FRMD5: variants seen among roughly 807,000 people sequenced by gnomAD.
FRMD5 encodes FERM domain containing 5.
FRMD5 carries 20 observed loss-of-function variants against 69.0 expected under a neutral mutation model. The ratio of observed to expected loss-of-function variants is 0.29; its 90% CI spans 0.20 to 0.42. FRMD5 has a LOEUF of 0.42. Ranked by LOEUF, FRMD5 falls within the 10% of genes least tolerant of loss-of-function variation. The pLI is 1.00. For synonymous variants in FRMD5, 271 were observed against 260.1 expected (o/e 1.04, Z -0.40); for missense variants, 595 against 708.6 (o/e 0.84, Z 1.82).
intron 4 of FRMD5, among the ~76,000 whole-genome samples, chr15:43,911,894 A>C (rs758672463): frequency 6.6e-6 from 1 of 152,026 alleles, no homozygotes; most frequent in Non-Finnish European, 1.5e-5. Context: ...GGTGGTAGGA[A>C]GGGGTCCTAG....
At chr15:44,141,373 C>T (rs1361097569) in intron 1 of FRMD5, among the ~76,000 whole-genome samples, 2 of 152,010 alleles carry the variant, frequency 1.3e-5, no homozygotes, top group Admixed American at 6.6e-5. Flanking sequence ...GGTAGACAAA[C>T]AGATCAATGG....
intron 1 of FRMD5, among the ~76,000 whole-genome samples, chr15:44,016,146 C>A (rs564247664): frequency 2.0e-5 from 3 of 152,290 alleles, no homozygotes; most frequent in African/African-American, 7.2e-5. Flanking sequence ...CTCTACAGAG[C>A]AATCTAATTA....
chr15:43,880,030 G>T (rs2088480799), intron 13 of FRMD5, among the ~76,000 whole-genome samples: 1 of 152,182 alleles, frequency 6.6e-6, no homozygotes. Flanking sequence ...AGAGGGCAAG[G>T]GACAGAGGGG....
intron 1 of FRMD5, among the ~76,000 whole-genome samples, chr15:43,983,302 C>T (rs150027832): frequency 6.6e-6 from 1 of 152,304 alleles, no homozygotes; most frequent in African/African-American, 2.4e-5. Context: ...TATACATAAG[C>T]AAACTAGGTG....
rs545725936 is a variant in FRMD5 at position 44,048,841 on chromosome 15, G to C, written c.103-124532C>G. ...GCTGCCTCAGCCTCCCAAAGTGCTG[G>C]AATTATAGGCGTGAGCCACCATGCC... On this transcript the variant is annotated intron_variant, in intron 1 of 13. Transcript: ENST00000417257. Among the ~76,000 whole-genome samples the C allele has an allele frequency of 1.4e-4, 22 of 152,204 alleles. No homozygotes were observed. The South Asian group carries it at 4.6e-3, about 32-fold the overall frequency.
At chr15:43,894,812 G>C (rs185124321) in intron 7 of FRMD5, among the ~76,000 whole-genome samples, 6 of 152,190 alleles carry the variant, frequency 3.9e-5, no homozygotes, top group Admixed American at 3.9e-4. Context: ...TCCAGGTCCA[G>C]CTCTGCCACT....
chr15:43,960,830 C>T (rs1045691305), intron 1 of FRMD5, among the ~76,000 whole-genome samples: 1 of 152,044 alleles, frequency 6.6e-6, no homozygotes, highest in African/African-American at 2.4e-5. Context: ...AAATCTGAGT[C>T]CCATTTTATG....
intron 1 of FRMD5, among the ~76,000 whole-genome samples, chr15:44,070,556 A>G (rs1184526324): frequency 6.6e-6 from 1 of 152,222 alleles, no homozygotes; most frequent in Non-Finnish European, 1.5e-5. Context: ...GTGACCTCAG[A>G]TAAGTAATCT....
chr15:43,959,884 TC>T (rs1261909915), intron 1 of FRMD5, among the ~76,000 whole-genome samples: 1 of 152,190 alleles, frequency 6.6e-6, no homozygotes, highest in African/African-American at 2.4e-5. Context: ...GTTATTTGCA[TC>T]CACACGCTAA....
chr15:44,033,266 G>A (rs1213204017), intron 1 of FRMD5, among the ~76,000 whole-genome samples: 1 of 152,040 alleles, frequency 6.6e-6, no homozygotes, highest in African/African-American at 2.4e-5. Flanking sequence ...GGAGAGAAAG[G>A]AGCAGAAAAG....
chr15:44,168,894 A>T (rs1380118053), intron 1 of FRMD5, among the ~76,000 whole-genome samples: 1 of 152,162 alleles, frequency 6.6e-6, no homozygotes, highest in East Asian at 1.9e-4. Flanking sequence ...ACCTGCTGCT[A>T]CAAGCCTCCT....
intron 1 of FRMD5, among the ~76,000 whole-genome samples, chr15:44,121,673 A>G (rs1566957123): frequency 6.6e-6 from 1 of 151,948 alleles, no homozygotes; most frequent in Non-Finnish European, 1.5e-5. Flanking sequence ...AAAAACAAAA[A>G]CAAAAAAACT....
intron 1 of FRMD5, among the ~76,000 whole-genome samples, chr15:44,059,379 T>C (rs531674779): frequency 6.6e-5 from 10 of 152,306 alleles, no homozygotes; most frequent in African/African-American, 4.8e-5. Context: ...AAAGCCTTCA[T>C]AGAAGAACTA....
intron 1 of FRMD5, among the ~76,000 whole-genome samples, chr15:44,064,520 C>T (rs1179292640): frequency 2.0e-5 from 3 of 151,976 alleles, no homozygotes; most frequent in Admixed American, 6.6e-5. Context: ...ACTCGGGATG[C>T]GGAGGGTGTG....
intron 1 of FRMD5, among the ~76,000 whole-genome samples, chr15:44,188,839 C>T (rs1281470026): frequency 6.6e-6 from 1 of 152,070 alleles, no homozygotes; most frequent in Non-Finnish European, 1.5e-5. Flanking sequence ...TGATCTTTAA[C>T]ACACAGGAAT....
At chr15:44,066,121 A>G (rs1250050317) in intron 1 of FRMD5, among the ~76,000 whole-genome samples, 4 of 152,088 alleles carry the variant, frequency 2.6e-5, no homozygotes, top group Non-Finnish European at 1.5e-5. Context: ...CCCACTGTCT[A>G]CCCCATGTTT....
chr15:44,085,672 AT>A (rs892580876), intron 1 of FRMD5, among the ~76,000 whole-genome samples: 2 of 152,148 alleles, frequency 1.3e-5, no homozygotes, highest in African/African-American at 2.4e-5. Context: ...TAGGGAAGCA[AT>A]GGTTAATTTT....
intron 1 of FRMD5, among the ~76,000 whole-genome samples, chr15:44,046,936 G>T (rs1458690985): frequency 6.6e-6 from 1 of 152,120 alleles, no homozygotes; most frequent in African/African-American, 2.4e-5. Context: ...TTCAGATTTT[G>T]CTATAGAGGT....
chr15:43,891,787 T>C (rs1423570665), intron 8 of FRMD5, among the ~76,000 whole-genome samples, 194 bp downstream of exon 8: 1 of 152,170 alleles, frequency 6.6e-6, no homozygotes, highest in East Asian at 1.9e-4. Flanking sequence ...CTGTTGGCTC[T>C]CAGGGACACC....
Sources: allele counts gnomAD v4.1 joint callset (sites outside exome capture counted in the v4.1 genomes callset), GRCh38; gene constraint gnomAD v4.1.1; transcripts MANE v1.5; gene names NCBI Gene and HGNC (gene_info 2026-07-23, HGNC 2026-07-21).